Variants in CCSER2 observed in about 807,000 individuals in gnomAD.
CCSER2 encodes serine-rich coiled-coil domain-containing protein 2.
CCSER2 carries 46 observed loss-of-function variants against 92.3 expected under a neutral mutation model. That is an observed-to-expected ratio of 0.50 (90% confidence interval 0.39 to 0.64). The LOEUF is 0.64. Ranked by LOEUF, CCSER2 falls within the 30% of genes least tolerant of loss-of-function variation. CCSER2 has a pLI of 0.00. For missense variants in CCSER2, 1,244 were observed against 1,238.9 expected, an observed-to-expected ratio of 1.00 and a Z score of -0.06; for synonymous variants, 433 against 431.4, an observed-to-expected ratio of 1.00 and a Z score of -0.04.
At chr10:84,345,918 G>A (rs1317561989) in intron 1 of CCSER2, among the ~76,000 whole-genome samples, 2 of 152,076 alleles carry the variant, frequency 1.3e-5, no homozygotes, top group Non-Finnish European at 2.9e-5. Context: ...TGTCTCCTTT[G>A]CTATTGAATT....
chr10:84,438,024 A>G (rs1844291386), intron 5 of CCSER2, among the ~76,000 whole-genome samples: 1 of 152,184 alleles, frequency 6.6e-6, no homozygotes, highest in African/African-American at 2.4e-5. Flanking sequence ...TTAGTAATAT[A>G]AAAACAAAAA....
chr10:84,375,909 A>C (rs1174967756), intron 3 of CCSER2, among the ~76,000 whole-genome samples: 1 of 149,100 alleles, frequency 6.7e-6, no homozygotes, highest in Non-Finnish European at 1.5e-5. Flanking sequence ...CTCTTACTTA[A>C]CCCCTCAAGA....
At chr10:84,507,348 C>T (rs1360631510) in intron 9 of CCSER2, 14 of 983,914 alleles carry the variant, frequency 1.4e-5, no homozygotes, top group African/African-American at 1.0e-4. Context: ...AGTACAATTT[C>T]GGATTTTTTC....
chr10:84,513,675 T>C lies in CCSER2; in HGVS notation c.2552T>C (p.Val851Ala). 6.4e-7 allele frequency: 1 copy of C among 1,555,676 alleles called. No individual in the cohort carries two copies. The highest frequency in any genetic ancestry group is 8.7e-7 in the Non-Finnish European group (1 of 1,154,162). The change falls in exon 10 of 10, where the codon GTG becomes GCG. Residue 851 changes from valine (V) to alanine (A), a missense_variant. Val to Ala is a moderately conservative substitution (Grantham distance 64). Transcript: ENST00000372088. ...FSSGPQLTMD[V>A]AKSTPSEANL... is the part of the protein sequence containing the mutation. ...TCAGGCCCACAATTAACAATGGATG[T>C]GGCTAAGAGTACACCTTCTGAAGCA...
chr10:84,334,234 T>C (rs114826685), intron 1 of CCSER2, among the ~76,000 whole-genome samples: 4,076 of 152,270 alleles, frequency 0.027, 179 homozygotes, highest in African/African-American at 0.092. Flanking sequence ...GGTGAACTTG[T>C]CTTTCCGTTG....
At chr10:84,349,802 A>T (rs980958041) in intron 1 of CCSER2, among the ~76,000 whole-genome samples, 3 of 152,136 alleles carry the variant, frequency 2.0e-5, no homozygotes, top group African/African-American at 7.2e-5. Flanking sequence ...TCCTGCTTCT[A>T]CATTTTCTTC....
At chr10:84,345,977 T>C (rs1005235290) in intron 1 of CCSER2, among the ~76,000 whole-genome samples, 7 of 152,156 alleles carry the variant, frequency 4.6e-5, no homozygotes, top group South Asian at 2.1e-4. Context: ...AAAAAAGTAA[T>C]GTTTAGTAGA....
At chr10:84,431,647 T>C (rs146999658) in intron 5 of CCSER2, among the ~76,000 whole-genome samples, 4 of 151,578 alleles carry the variant, frequency 2.6e-5, no homozygotes, top group Admixed American at 1.3e-4. Context: ...GAGGCTGAGG[T>C]GGGGGGATCA....
intron 1 of CCSER2, among the ~76,000 whole-genome samples, chr10:84,343,362 CTCTT>C (rs1308657227): frequency 1.3e-5 from 2 of 152,196 alleles, no homozygotes; most frequent in African/African-American, 4.8e-5. Context: ...TATCTCTTCT[CTCTT>C]CATTGTCTTT....
chr10:84,375,460 T>A (rs1175882408), intron 3 of CCSER2, among the ~76,000 whole-genome samples: 1 of 152,052 alleles, frequency 6.6e-6, no homozygotes, highest in Non-Finnish European at 1.5e-5. Context: ...GGATTTACCA[T>A]TTTTGCTCTG....
intron 6 of CCSER2, among the ~76,000 whole-genome samples, chr10:84,454,389 G>A (rs1014418552): frequency 6.6e-6 from 1 of 152,100 alleles, no homozygotes; most frequent in Non-Finnish European, 1.5e-5. Context: ...ATATTCACAG[G>A]TTCTGGATGG....
intron 6 of CCSER2, among the ~76,000 whole-genome samples, chr10:84,460,412 C>A (rs562297345): frequency 6.6e-6 from 1 of 151,808 alleles, no homozygotes; most frequent in African/African-American, 2.4e-5. Context: ...ACTTCTGCAT[C>A]CTTATACATG....
chr10:84,463,315 G>C (rs912866338), intron 6 of CCSER2, among the ~76,000 whole-genome samples: 1 of 152,174 alleles, frequency 6.6e-6, no homozygotes, highest in Non-Finnish European at 1.5e-5. Context: ...TCAGGACATA[G>C]AACATTTCCA....
intron 3 of CCSER2, among the ~76,000 whole-genome samples, chr10:84,379,289 T>G (rs1053827272): frequency 6.6e-6 from 1 of 152,174 alleles, no homozygotes; most frequent in Non-Finnish European, 1.5e-5. Flanking sequence ...GACGTCTGCT[T>G]TTCATTCCTA....
chr10:84,466,241 G>C lies in CCSER2; in HGVS notation c.2148+2225G>C, dbSNP rs563392626. On this transcript the variant is annotated intron_variant, in intron 7 of 9. Transcript: ENST00000372088. ...TCATCCAAAATGGTTTAGCAGTGCA[G>C]TTTCAAATGACACAAATACTGCATC... 2.6e-5 allele frequency among the ~76,000 whole-genome samples: 4 copies of C among 152,210 alleles called. No individual in the cohort carries two copies. In the East Asian group the frequency reaches 7.7e-4, roughly 29 times the overall value.
chr10:84,504,334 G>A (rs1200610808), intron 9 of CCSER2, among the ~76,000 whole-genome samples: 1 of 151,252 alleles, frequency 6.6e-6, no homozygotes, highest in Non-Finnish European at 1.5e-5. Context: ...TTTTTAAGTG[G>A]TGCCTCCTAA....
chr10:84,430,272 C>T (rs748300682), intron 5 of CCSER2, among the ~76,000 whole-genome samples: 1 of 152,100 alleles, frequency 6.6e-6, no homozygotes, highest in Non-Finnish European at 1.5e-5. Context: ...AGGGGATTCT[C>T]TGGTATTTCC....
intron 1 of CCSER2, 86 bp from the exon 2 acceptor site, chr10:84,370,928 A>G (rs1326637860): frequency 5.0e-6 from 3 of 600,858 alleles, no homozygotes; most frequent in African/African-American, 1.9e-5. Context: ...TTCTGCGTAT[A>G]AAAGTGTAAG....
At chr10:84,471,392 A>G (rs1030747799) in intron 8 of CCSER2, among the ~76,000 whole-genome samples, 7 of 152,134 alleles carry the variant, frequency 4.6e-5, no homozygotes, top group African/African-American at 7.2e-5. Flanking sequence ...CAAGAACCCA[A>G]TCAACTTTCA....
Sources: allele counts gnomAD v4.1 joint callset (sites outside exome capture counted in the v4.1 genomes callset), GRCh38; gene constraint gnomAD v4.1.1; transcripts MANE v1.5; gene names NCBI Gene and HGNC (gene_info 2026-07-23, HGNC 2026-07-21).